Variants in PRKCB observed in about 807,000 individuals in gnomAD.
The protein encoded by PRKCB is protein kinase C beta type.
Under a neutral mutation model 81.5 loss-of-function variants are expected in PRKCB, and 13 were observed. The observed-to-expected ratio is 0.16, with a 90% CI of 0.10 to 0.25. PRKCB has a LOEUF of 0.25. Ranked by LOEUF, PRKCB falls within the 10% of genes least tolerant of loss-of-function variation. The pLI is 1.00. For synonymous variants in PRKCB, 335 were observed against 321.4 expected (o/e 1.04, Z -0.45); for missense variants, 509 against 875.7 (o/e 0.58, Z 5.29).
At chr16:24,072,519 G>A (rs1020615703) in intron 5 of PRKCB, among the ~76,000 whole-genome samples, 2 of 151,708 alleles carry the variant, frequency 1.3e-5, no homozygotes, top group African/African-American at 4.8e-5. Context: ...CAAAGAGTTG[G>A]GATTACAGGT....
At chr16:24,029,478 G>T (rs761181074) in intron 3 of PRKCB, among the ~76,000 whole-genome samples, 1 of 152,106 alleles carries the variant, frequency 6.6e-6, no homozygotes, top group Non-Finnish European at 1.5e-5. Context: ...CTTCCACTAC[G>T]ATTTTAAGTT....
At chr16:24,085,852 C>T (rs922329366) in intron 5 of PRKCB, among the ~76,000 whole-genome samples, 2 of 152,200 alleles carry the variant, frequency 1.3e-5, no homozygotes, top group Non-Finnish European at 2.9e-5. Flanking sequence ...TTGACAGGCT[C>T]TCTTCTTGAC....
chr16:24,210,779 C>T lies in PRKCB; in HGVS notation c.1864-3879C>T, dbSNP rs534786670. ...CCTCTCAAAGTGCTGGGATTATAGG[C>T]GTGAGCTACCCTGCCCGGCCTTGGC... On this transcript the variant is annotated intron_variant, in intron 16 of 16. Transcript: ENST00000643927. 1.6e-3 allele frequency among the ~76,000 whole-genome samples: 241 copies of T among 152,268 alleles called. 1 individual carries two copies. The highest frequency in any genetic ancestry group is 5.6e-3 in the African/African-American group (233 of 41,550).
chr16:24,019,971 A>G (rs949288377), intron 3 of PRKCB, among the ~76,000 whole-genome samples: 4 of 152,150 alleles, frequency 2.6e-5, no homozygotes, highest in African/African-American at 9.7e-5. Flanking sequence ...ATTACTTCCT[A>G]TGTATGCAGG....
chr16:24,003,496 T>C (rs1057348859), intron 3 of PRKCB, among the ~76,000 whole-genome samples: 1 of 151,574 alleles, frequency 6.6e-6, no homozygotes. Flanking sequence ...GCAATTCTCC[T>C]GCCTCAGCCT....
At chr16:24,058,292 C>T (rs1965929951) in intron 5 of PRKCB, among the ~76,000 whole-genome samples, 1 of 152,094 alleles carries the variant, frequency 6.6e-6, no homozygotes, top group African/African-American at 2.4e-5. Context: ...TGCTTCTTGC[C>T]TGTTTCTCTC....
At chr16:24,014,149 T>G (rs2141839517) in intron 3 of PRKCB, among the ~76,000 whole-genome samples, 1 of 152,310 alleles carries the variant, frequency 6.6e-6, no homozygotes, top group Non-Finnish European at 1.5e-5. Context: ...GAAACCAAGC[T>G]GGCAGCGGCT....
chr16:23,952,716 A>G (rs1964299783), intron 2 of PRKCB, among the ~76,000 whole-genome samples: 1 of 152,212 alleles, frequency 6.6e-6, no homozygotes, highest in Non-Finnish European at 1.5e-5. Flanking sequence ...CATTTTCTAA[A>G]GCAGTAGAGA....
intron 2 of PRKCB, among the ~76,000 whole-genome samples, chr16:23,922,440 C>CA (rs1198529187): frequency 2.0e-5 from 3 of 152,012 alleles, no homozygotes; most frequent in East Asian, 3.9e-4. Context: ...TGGTATGGAC[C>CA]AAAAAAAGAT....
intron 3 of PRKCB, among the ~76,000 whole-genome samples, chr16:24,005,602 T>C (rs1165467279): frequency 6.6e-6 from 1 of 152,228 alleles, no homozygotes; most frequent in Non-Finnish European, 1.5e-5. Context: ...GCTCAGTTCC[T>C]GGACTGAGCA....
intron 8 of PRKCB, among the ~76,000 whole-genome samples, chr16:24,122,727 T>C (rs1041405660): frequency 7.2e-6 from 1 of 139,520 alleles, no homozygotes; most frequent in African/African-American, 2.6e-5. Flanking sequence ...CAAAAAGTGT[T>C]GGAATTGCAG....
At chr16:23,951,380 T>C in intron 2 of PRKCB, among the ~76,000 whole-genome samples, 1 of 152,266 alleles carries the variant, frequency 6.6e-6, no homozygotes, top group Non-Finnish European at 1.5e-5. Context: ...GCACTTGTAT[T>C]TTTTTCTCTG....
Position 24,218,881 on chromosome 16 carries a change from G to A in PRKCB, c.*4065G>A. On this transcript the variant is annotated 3_prime_UTR_variant, in exon 17 of 17. Transcript: ENST00000643927. Reference sequence around the variant, plus strand: ...GGTTGTCCCTCCAGTCCGAGAGACTGTGATGAGGCCTACATAGCAGCGATG... The same window carrying A: ...GGTTGTCCCTCCAGTCCGAGAGACTATGATGAGGCCTACATAGCAGCGATG... 1 of 985,420 alleles carries A rather than the reference G, an allele frequency of 1.0e-6. No individual in the cohort carries two copies. Among genetic ancestry groups the A allele is most frequent in the Non-Finnish European group, 1.2e-6 (1 of 829,948 alleles). The allele number at this position is 985,420 out of a possible 1,614,324, so 61.0% of individuals were successfully genotyped here.
intron 8 of PRKCB, among the ~76,000 whole-genome samples, chr16:24,121,615 A>G (rs968804007): frequency 6.6e-6 from 1 of 152,146 alleles, no homozygotes; most frequent in Non-Finnish European, 1.5e-5. Context: ...GGCCTCAAGC[A>G]GTCCTGCCTC....
At chr16:23,876,631 G>A (rs1333826112) in intron 2 of PRKCB, among the ~76,000 whole-genome samples, 1 of 151,860 alleles carries the variant, frequency 6.6e-6, no homozygotes, top group Non-Finnish European at 1.5e-5. Flanking sequence ...TCTTTCTCCA[G>A]GATTCTTCTG....
At chr16:23,993,567 A>AAGGT (rs1964917245) in intron 3 of PRKCB, among the ~76,000 whole-genome samples, 1 of 152,196 alleles carries the variant, frequency 6.6e-6, no homozygotes, top group African/African-American at 2.4e-5. Context: ...TACTTTGAGA[A>AAGGT]ATATATTTGT....
intron 2 of PRKCB, among the ~76,000 whole-genome samples, chr16:23,878,378 G>A (rs1325338471): frequency 6.6e-6 from 1 of 152,072 alleles, no homozygotes; most frequent in African/African-American, 2.4e-5. Context: ...ACTCCAACTC[G>A]TGCCTGATCA....
intron 2 of PRKCB, among the ~76,000 whole-genome samples, chr16:23,913,257 A>G (rs914885132): frequency 3.9e-5 from 6 of 151,988 alleles, no homozygotes; most frequent in African/African-American, 1.4e-4. Flanking sequence ...ACACAAGGGG[A>G]GACCCAACTG....
chr16:24,025,584 A>G (rs955252063), intron 3 of PRKCB, among the ~76,000 whole-genome samples: 5 of 152,226 alleles, frequency 3.3e-5, no homozygotes, highest in African/African-American at 9.6e-5. Context: ...AAGAGATGCA[A>G]TTAAGCGTGC....
Sources: allele counts gnomAD v4.1 joint callset (sites outside exome capture counted in the v4.1 genomes callset), GRCh38; gene constraint gnomAD v4.1.1; transcripts MANE v1.5; gene names NCBI Gene and HGNC (gene_info 2026-07-23, HGNC 2026-07-21).